Variants in ANK2 observed in about 807,000 individuals in gnomAD.
ANK2 encodes ankyrin 2, also known as ankyrin-2.
In ANK2, 83 loss-of-function variants were observed where a neutral mutation model predicts 360.5. The ratio of observed to expected loss-of-function variants is 0.23; its 90% confidence interval spans 0.19 to 0.28. The LOEUF is 0.28. ANK2 is among the 10% of genes least tolerant of loss of function. The pLI is 1.00. For missense variants in ANK2, 4,201 were observed against 4,795.7 expected (o/e 0.88, Z 3.66); for synonymous variants, 1,740 against 1,759.5 (o/e 0.99, Z 0.28).
intron 24 of ANK2, among the ~76,000 whole-genome samples, chr4:113,316,708 T>C (rs908779755): frequency 7.2e-5 from 11 of 152,254 alleles, no homozygotes; most frequent in African/African-American, 2.7e-4. Flanking sequence ...ATATAGCTTA[T>C]TTAAGATACC....
intron 4 of ANK2, among the ~76,000 whole-genome samples, chr4:113,214,837 TCATATCAC>T: frequency 6.6e-6 from 1 of 152,182 alleles, no homozygotes; most frequent in Admixed American, 6.5e-5. Flanking sequence ...TGCCATGAAA[TCATATCAC>T]TGTGAAAGTA....
At chr4:113,359,894 T>C (rs1468021679) in intron 38 of ANK2, among the ~76,000 whole-genome samples, 1 of 152,184 alleles carries the variant, frequency 6.6e-6, no homozygotes, top group Non-Finnish European at 1.5e-5. Flanking sequence ...TTTTCATTTA[T>C]GTGGTAGATG....
chr4:113,152,065 C>CAAAAAAAAAAA (rs1232657248), intron 1 of ANK2, among the ~76,000 whole-genome samples: 9 of 62,110 alleles, frequency 1.4e-4, no homozygotes, highest in African/African-American at 4.2e-4. Flanking sequence ...GTCTCTGTCT[C>CAAAAAAAAAAA]AAAAAAAAAA....
intron 2 of ANK2, among the ~76,000 whole-genome samples, chr4:113,037,041 T>TA (rs1360797230): frequency 6.6e-6 from 1 of 151,990 alleles, no homozygotes; most frequent in Non-Finnish European, 1.5e-5. Flanking sequence ...ATGCTAATGT[T>TA]ACTTGCAGTG....
chr4:113,096,715 T>A (rs1206180376), intron 1 of ANK2, among the ~76,000 whole-genome samples: 3 of 152,124 alleles, frequency 2.0e-5, no homozygotes, highest in Non-Finnish European at 2.9e-5. Context: ...TTATTATTAT[T>A]GTTGTTATCA....
At chr4:112,805,328 G>C in the ANK2 span, among the ~76,000 whole-genome samples, 1 of 152,212 alleles carries the variant, frequency 6.6e-6, no homozygotes, top group Non-Finnish European at 1.5e-5. Flanking sequence ...TTTATGAAAT[G>C]AGAGGAAACC....
chr4:112,857,677 T>G (rs1387080531), intron 1 of ANK2, among the ~76,000 whole-genome samples: 1 of 152,212 alleles, frequency 6.6e-6, no homozygotes, highest in African/African-American at 2.4e-5. Flanking sequence ...AGTCACCTCC[T>G]ACTGATTAGA....
intron 21 of ANK2, chr4:113,293,215 A>G: frequency 1.5e-6 from 1 of 671,570 alleles, no homozygotes; most frequent in Non-Finnish European, 2.7e-6. Context: ...TATTAAAAAG[A>G]GCAAGCAGAT....
At chr4:112,809,736 A>G in the ANK2 span, among the ~76,000 whole-genome samples, 161 of 148,804 alleles carry the variant, frequency 1.1e-3, no homozygotes, top group South Asian at 5.2e-3. Context: ...ACAACAACTG[A>G]GGTGGGAGGA....
Position 113,277,824 on chromosome 4 carries a change from C to T in ANK2, c.1684-13C>T. 1.9e-6 allele frequency: 3 copies of T among 1,598,174 alleles called. No individual in the cohort carries two copies. In the African/African-American group the frequency reaches 4.0e-5, roughly 21 times the overall value. ...AATAAATACGATTTTACTTTTGTTT[C>T]TCACATTTTCAGAAGGGTTTTACTC... On this transcript the variant is annotated splice_polypyrimidine_tract_variant and intron_variant, in intron 15 of 45. Transcript: ENST00000357077.
In ANK2 at chr4:113,358,837, A is replaced by C; in HGVS notation, c.10219A>C (p.Thr3407Pro). The change falls in exon 38 of 46, where the codon ACC becomes CCC. Residue 3407 changes from threonine (T) to proline (P), a missense_variant. By Grantham distance (38) the Thr-to-Pro change is conservative. Coordinates refer to ENST00000357077, the MANE Select transcript of ANK2 (RefSeq NM_001148.6). ...LDSKTKCPVK[T>P]RSYTETETES... The stretch of plus-strand genomic sequence containing the variant: ...TTCAAAGACCAAATGCCCAGTAAAA[A>C]CCCGAAGTTACACTGAGACAGAAAC... 10 of 1,613,964 alleles carry C rather than the reference A, an allele frequency of 6.2e-6. No homozygotes were observed. Among genetic ancestry groups the C allele is most frequent in the Non-Finnish European group, 8.5e-6 (10 of 1,179,940 alleles).
rs997208184 is a variant in ANK2, at chr4:113,381,724, C to A, written c.*253C>A. On this transcript the variant is annotated 3_prime_UTR_variant, in exon 46 of 46. Transcript: ENST00000357077. The stretch of plus-strand genomic sequence containing the variant: ...TTCAGTAGGGGAGTGACCTAACTGG[C>A]CTAATTAATGGGATACCCCGACATT... 1.4e-6 allele frequency: 2 copies of A among 1,412,652 alleles called. No homozygotes were observed. The highest frequency in any genetic ancestry group is 5.0e-5 in the East Asian group (2 of 39,664). The allele number at this position is 1,412,652 out of a possible 1,614,324, so 87.5% of individuals were successfully genotyped here. A position where few individuals can be genotyped will look rare whatever the true frequency, so the allele number is the denominator to read the frequency against.
chr4:112,855,767 G>T (rs1217980936), intron 1 of ANK2, among the ~76,000 whole-genome samples: 1 of 152,132 alleles, frequency 6.6e-6, no homozygotes, highest in African/African-American at 2.4e-5. Flanking sequence ...AATCAGGCAG[G>T]CTCACTCCAG....
chr4:113,125,380 C>T (rs2095603450), intron 1 of ANK2, among the ~76,000 whole-genome samples: 1 of 152,038 alleles, frequency 6.6e-6, no homozygotes, highest in Non-Finnish European at 1.5e-5. Context: ...GCCGATAACC[C>T]TTTCAAGACA....
intron 2 of ANK2, among the ~76,000 whole-genome samples, chr4:113,016,634 C>G (rs541878916): frequency 3.9e-5 from 6 of 152,150 alleles, no homozygotes; most frequent in Non-Finnish European, 5.9e-5. Flanking sequence ...GAGTGTTAAC[C>G]CATCTCCCCC....
At chr4:113,292,807 A>G (rs2068479242) in intron 21 of ANK2, among the ~76,000 whole-genome samples, 1 of 152,090 alleles carries the variant, frequency 6.6e-6, no homozygotes, top group African/African-American at 2.4e-5. Flanking sequence ...CTCAGATGTG[A>G]GCACAAATTG....
At chr4:113,271,784 A>T (rs1020160241) in intron 14 of ANK2, among the ~76,000 whole-genome samples, 2 of 152,220 alleles carry the variant, frequency 1.3e-5, no homozygotes, top group African/African-American at 4.8e-5. Flanking sequence ...ACCAGTCCAG[A>T]GCATAAGACA....
chr4:112,836,264 G>A (rs2060962555), intron 1 of ANK2, among the ~76,000 whole-genome samples: 1 of 152,086 alleles, frequency 6.6e-6, no homozygotes, highest in African/African-American at 2.4e-5. Flanking sequence ...TTGTGAAGAA[G>A]GTGCCTTGCT....
chr4:112,849,536 C>T (rs949717435), intron 1 of ANK2, among the ~76,000 whole-genome samples: 1 of 152,132 alleles, frequency 6.6e-6, no homozygotes, highest in Non-Finnish European at 1.5e-5. Context: ...TCTTTGTTAT[C>T]TCTTACCTGT....
Sources: allele counts gnomAD v4.1 joint callset (sites outside exome capture counted in the v4.1 genomes callset), GRCh38; gene constraint gnomAD v4.1.1; transcripts MANE v1.5; gene names NCBI Gene and HGNC (gene_info 2026-07-23, HGNC 2026-07-21).